MATR3: variants seen among roughly 807,000 people sequenced by gnomAD.
MATR3 encodes the protein matrin-3.
In MATR3, 4 loss-of-function variants were observed where a neutral mutation model predicts 85.5. The ratio of observed to expected loss-of-function variants is 0.05; its 90% CI spans 0.02 to 0.11. The LOEUF is 0.11. MATR3 is among the 10% of genes least tolerant of loss of function. The pLI is 1.00. For missense variants in MATR3, 685 were observed against 1,016.1 expected (o/e 0.67, Z 4.43); for synonymous variants, 336 against 343.1 (o/e 0.98, Z 0.23).
chr5:139,294,092 G>T (rs912231790), intron 1 of MATR3: 6 of 1,252,976 alleles, frequency 4.8e-6, no homozygotes, highest in Non-Finnish European at 6.1e-6. Context: ...GGAGATTTTG[G>T]GTGAAGAGGT....
intron 1 of MATR3, among the ~76,000 whole-genome samples, chr5:139,300,547 TAAAG>T (rs944605372): frequency 7.9e-5 from 12 of 152,200 alleles, no homozygotes; most frequent in African/African-American, 2.4e-4. Context: ...CATCTAAAAA[TAAAG>T]AAAAATAGAT....
chr5:139,326,933 C>T (rs543928236), intron 14 of MATR3, among the ~76,000 whole-genome samples: 1 of 152,226 alleles, frequency 6.6e-6, no homozygotes, highest in African/African-American at 2.4e-5. Flanking sequence ...GTGGCATGAC[C>T]ATTCATATTA....
At chr5:139,277,324 T>C (rs1318616829) in intron 2 of MATR3, among the ~76,000 whole-genome samples, 1 of 152,010 alleles carries the variant, frequency 6.6e-6, no homozygotes, top group Non-Finnish European at 1.5e-5. Flanking sequence ...GCTAATCTTT[T>C]GAGAAGAGAT....
intron 12 of MATR3, 85 bp from the exon 13 acceptor site, chr5:139,325,355 A>G: frequency 6.3e-7 from 1 of 1,584,268 alleles, no homozygotes; most frequent in East Asian, 2.3e-5. Context: ...GTGATGAGGA[A>G]GATTCGGAAC....
intron 12 of MATR3, 87 bp downstream of exon 12, chr5:139,323,054 A>G: frequency 2.3e-6 from 3 of 1,280,642 alleles, no homozygotes; most frequent in African/African-American, 1.5e-5. Flanking sequence ...ATCAGATAGA[A>G]TTATATGATT....
At chr5:139,308,455 C>A in intron 2 of MATR3, 128 bp downstream of exon 2, 1 of 1,107,490 alleles carries the variant, frequency 9.0e-7, no homozygotes, top group African/African-American at 1.5e-5. Flanking sequence ...TTTGAGAACA[C>A]TTACTTTATT....
intron 3 of MATR3, among the ~76,000 whole-genome samples, chr5:139,287,421 C>G (rs1407796456): frequency 1.3e-5 from 2 of 152,170 alleles, no homozygotes; most frequent in African/African-American, 2.4e-5. Context: ...GAGTTCGAGA[C>G]CAGCCTGGCC....
chr5:139,278,717 ACG>A (rs1491543612), intron 2 of MATR3: 2 of 474,550 alleles, frequency 4.2e-6, no homozygotes, highest in Admixed American at 2.0e-5. Flanking sequence ...TTCAACTGAT[ACG>A]TCTTCTACCT....
chr5:139,308,375 C>T (rs999555864), intron 2 of MATR3, 48 bp downstream of exon 2: 8 of 1,602,774 alleles, frequency 5.0e-6, no homozygotes, highest in Non-Finnish European at 6.8e-6. Context: ...ATTGTAGTGC[C>T]TATTTACCTA....
At chr5:139,327,394 C>G (rs1237866661) in intron 14 of MATR3, among the ~76,000 whole-genome samples, 1 of 151,044 alleles carries the variant, frequency 6.6e-6, no homozygotes, top group East Asian at 1.9e-4. Flanking sequence ...TGGCTATTTG[C>G]AATGGTAGCA....
chr5:139,288,445 A>C (rs1430455198), intron 3 of MATR3, among the ~76,000 whole-genome samples: 1 of 152,226 alleles, frequency 6.6e-6, no homozygotes, highest in Non-Finnish European at 1.5e-5. Context: ...TTTGATAGGC[A>C]GTCATGTTTC....
intron 1 of MATR3, among the ~76,000 whole-genome samples, chr5:139,296,789 C>T (rs754969994): frequency 2.0e-5 from 3 of 152,190 alleles, no homozygotes; most frequent in Non-Finnish European, 4.4e-5. Context: ...GTTAGATGTT[C>T]TTAGAACATC....
chr5:139,274,135 G>A (rs759058141), exon 1 of MATR3: 31 of 440,172 alleles, frequency 7.0e-5, no homozygotes, highest in Non-Finnish European at 1.2e-4. Context: ...GTGCTGCTGC[G>A]CCCTGCGGAG....
intron 10 of MATR3, among the ~76,000 whole-genome samples, 162 bp downstream of exon 10, chr5:139,322,191 C>T (rs541955031): frequency 6.6e-6 from 1 of 152,248 alleles, no homozygotes; most frequent in African/African-American, 2.4e-5. Flanking sequence ...TCTTTAATGG[C>T]AGAAGTTTTT....
intron 7 of MATR3, 95 bp downstream of exon 7, chr5:139,317,816 A>G: frequency 8.0e-7 from 1 of 1,255,966 alleles, no homozygotes; most frequent in Non-Finnish European, 1.1e-6. Flanking sequence ...AATAAAACTC[A>G]AGGTAATCTT....
upstream of MATR3, chr5:139,293,732 G>C (rs1169896158): frequency 2.7e-6 from 1 of 367,810 alleles, no homozygotes; most frequent in African/African-American, 2.1e-5. Flanking sequence ...GTTGCTGCGG[G>C]GGATTGTGGG....
chr5:139,316,226 G>T, intron 5 of MATR3, 38 bp downstream of exon 5: 1 of 1,483,390 alleles, frequency 6.7e-7, no homozygotes, highest in South Asian at 1.1e-5. Context: ...TCCCTACAGA[G>T]CCGTTACTGA....
intron 3 of MATR3, chr5:139,279,805 T>C (rs1481463253): frequency 6.6e-6 from 1 of 152,304 alleles, no homozygotes; most frequent in Non-Finnish European, 1.5e-5. Context: ...CCCAGCCAAG[T>C]ATCAGAATTT....
chr5:139,329,955 TAAG>T lies in MATR3; in HGVS notation c.*563_*565del, dbSNP rs1305828511. On this transcript the variant is annotated 3_prime_UTR_variant, in exon 15 of 15. Coordinates refer to ENST00000394805, the MANE Select transcript of MATR3 (RefSeq NM_018834.6). ...TAATGTCATGCTGTTGTTTAGGTAA[TAAG>T]AAATATTAAGTAATTGGCTTTAGAT... The T allele has an allele frequency of 4.2e-5, 19 of 454,082 alleles. No homozygotes were observed. Among genetic ancestry groups the T allele is most frequent in the Non-Finnish European group, 7.5e-5 (17 of 226,680 alleles). 28.1% of individuals were successfully genotyped at this position (454,082 alleles called of 1,614,324 possible).
Sources: gnomAD v4.1 joint callset for allele counts (sites outside exome capture counted in the v4.1 genomes callset) on GRCh38, gnomAD v4.1.1 for gene constraint, MANE v1.5 for transcripts, NCBI Gene and HGNC (gene_info 2026-07-23, HGNC 2026-07-21) for gene names.